TCF7L2: variants seen among roughly 807,000 people sequenced by gnomAD.
TCF7L2 encodes transcription factor 7-like 2.
In TCF7L2, 23 loss-of-function variants were observed where a neutral mutation model predicts 77.9. The observed-to-expected ratio is 0.30, with a 90% confidence interval of 0.21 to 0.42. TCF7L2 has a LOEUF of 0.42. TCF7L2 is among the 10% of genes least tolerant of loss of function. TCF7L2 has a pLI of 1.00. For missense variants in TCF7L2, 654 were observed against 793.1 expected, an observed-to-expected ratio of 0.82 and a Z score of 2.11; for synonymous variants, 413 against 340.2, an observed-to-expected ratio of 1.21 and a Z score of -2.36.
At chr10:112,994,972 C>T (rs532437700) in intron 4 of TCF7L2, among the ~76,000 whole-genome samples, 6 of 152,028 alleles carry the variant, frequency 3.9e-5, no homozygotes, top group African/African-American at 9.6e-5. Context: ...TGGTGGTGGG[C>T]GCCTGTAATC....
At position 113,039,755 on chromosome 10, in the gene TCF7L2, A is replaced by AT. The variant is rs1014955606; in HGVS notation, c.451-264dup. On this transcript the variant is annotated intron_variant, in intron 4 of 13. Transcript: ENST00000627217. ...AAGTTAAGGTAGTAGTAATGAAATC[A>AT]TTTTTTCTGAAGCTACCCTGTACTT... Among the ~76,000 whole-genome samples the AT allele has an allele frequency of 2.0e-4, 30 of 151,868 alleles. No individual in the cohort carries two copies. In the South Asian group the frequency reaches 5.8e-3, roughly 30 times the overall value.
At chr10:113,065,786 G>A (rs1424677174) in intron 5 of TCF7L2, among the ~76,000 whole-genome samples, 1 of 152,146 alleles carries the variant, frequency 6.6e-6, no homozygotes, top group East Asian at 1.9e-4. Context: ...GTTGTAGTTA[G>A]GAAAAAGATG....
intron 11 of TCF7L2, 25 bp downstream of exon 11, chr10:113,152,465 T>A: frequency 6.3e-7 from 1 of 1,581,716 alleles, no homozygotes; most frequent in Non-Finnish European, 8.7e-7. Context: ...TTCGTTAGGA[T>A]TGGAGTCTGT....
At chr10:112,961,670 A>T (rs565327960) in intron 3 of TCF7L2, among the ~76,000 whole-genome samples, 2 of 152,346 alleles carry the variant, frequency 1.3e-5, no homozygotes, top group Non-Finnish European at 2.9e-5. Context: ...TTGTTGCAGT[A>T]GCTGGAGGAA....
intron 8 of TCF7L2, 60 bp downstream of exon 8, chr10:113,146,157 C>T (rs1192134477): frequency 6.5e-7 from 1 of 1,527,516 alleles, no homozygotes; most frequent in East Asian, 2.2e-5. Context: ...AAGAAGTTCT[C>T]TAGATGGCCA....
intron 4 of TCF7L2, among the ~76,000 whole-genome samples, chr10:113,039,274 C>T (rs1258635300): frequency 2.6e-5 from 4 of 152,188 alleles, no homozygotes; most frequent in Non-Finnish European, 5.9e-5. Context: ...ACAGAAGTAG[C>T]TCCCTTGGGC....
intron 5 of TCF7L2, among the ~76,000 whole-genome samples, chr10:113,121,828 CCTTTAAAA>C (rs1311867290): frequency 6.6e-6 from 1 of 152,082 alleles, no homozygotes; most frequent in Non-Finnish European, 1.5e-5. Context: ...AAATCACAGC[CCTTTAAAA>C]CTTCCATTAT....
intron 4 of TCF7L2, among the ~76,000 whole-genome samples, chr10:112,982,545 C>T (rs1044846569): frequency 1.2e-4 from 18 of 152,126 alleles, no homozygotes; most frequent in Admixed American, 1.1e-3. Flanking sequence ...TTTTTTTCCC[C>T]GCTTGCTTAG....
At chr10:113,079,378 G>A (rs973741297) in intron 5 of TCF7L2, among the ~76,000 whole-genome samples, 1 of 152,190 alleles carries the variant, frequency 6.6e-6, no homozygotes, top group Non-Finnish European at 1.5e-5. Context: ...AGGAGATCCA[G>A]CCCGGGCCAG....
At chr10:113,131,728 G>A (rs902910338) in intron 5 of TCF7L2, among the ~76,000 whole-genome samples, 3 of 152,156 alleles carry the variant, frequency 2.0e-5, no homozygotes, top group African/African-American at 7.2e-5. Context: ...GTATTCTTAG[G>A]GAAACCTCCC....
In TCF7L2 at chr10:113,158,037, G is replaced by A. The variant is rs2137363346; in HGVS notation, c.1286G>A (p.Arg429Lys). ...TTCATCTAGGGAAAGAAGAAGAAGA[G>A]GAAAAGGGACAAGCAGCCGGGAGAG... The change falls in exon 12 of 14, where the codon AGG (arginine) becomes AAG (lysine). Residue 429 changes from arginine to lysine, a missense_variant. By Grantham distance (26) the Arg-to-Lys change is conservative (BLOSUM62 2). Around this residue, in one of 6 missense-constraint regions of TCF7L2, gnomAD observed 31 missense variants for 116.1 expected, o/e 0.27. Coordinates refer to ENST00000627217, the MANE Select transcript of TCF7L2 (RefSeq NM_001146274.2). 1 of 1,596,944 alleles carries A rather than the reference G, an allele frequency of 6.3e-7. No individual in the cohort carries two copies. Among genetic ancestry groups the A allele is most frequent in the Non-Finnish European group, 8.5e-7 (1 of 1,170,884 alleles).
intron 5 of TCF7L2, among the ~76,000 whole-genome samples, chr10:113,132,408 G>A (rs1206951237): frequency 6.6e-6 from 1 of 152,112 alleles, no homozygotes; most frequent in Non-Finnish European, 1.5e-5. Context: ...GTCAGATTTT[G>A]TTCACTACTT....
At chr10:113,056,715 A>G (rs2055438188) in intron 5 of TCF7L2, among the ~76,000 whole-genome samples, 1 of 152,222 alleles carries the variant, frequency 6.6e-6, no homozygotes, top group African/African-American at 2.4e-5. Flanking sequence ...AATCCATAGC[A>G]TAATTAATAA....
rs989569614 is a variant in TCF7L2 at position 113,144,131 on chromosome 10, T to C, written c.788+106T>C. 30 of 902,506 alleles carry C rather than the reference T, an allele frequency of 3.3e-5. No individual in the cohort carries two copies. The African/African-American group carries it at 4.8e-4, about 14-fold the overall frequency. The allele number at this position is 902,506 out of a possible 1,614,324, so 55.9% of individuals were successfully genotyped here. A position where few individuals can be genotyped will look rare whatever the true frequency, so the allele number is the denominator to read the frequency against. On this transcript the variant is annotated intron_variant, in intron 7 of 13. Transcript: ENST00000627217. ...GTGTGTGTGTGTGTGTGTGTGTGTG[T>C]GTGTGTATGTGTGTGTGTTAGAAGC...
intron 4 of TCF7L2, among the ~76,000 whole-genome samples, chr10:112,988,948 G>A (rs548326841): frequency 1.3e-5 from 2 of 152,226 alleles, no homozygotes; most frequent in African/African-American, 2.4e-5. Flanking sequence ...AGAAGGTAGG[G>A]GACTTGCCCA....
intron 5 of TCF7L2, among the ~76,000 whole-genome samples, chr10:113,111,226 C>T (rs1481295985): frequency 1.3e-5 from 2 of 152,128 alleles, no homozygotes; most frequent in Non-Finnish European, 2.9e-5. Context: ...CATCAAGGTA[C>T]TCTGGGGTGT....
intron 4 of TCF7L2, among the ~76,000 whole-genome samples, chr10:113,003,115 C>G (rs756001289): frequency 2.6e-5 from 4 of 152,316 alleles, no homozygotes; most frequent in Non-Finnish European, 5.9e-5. Flanking sequence ...CATTTGTGAA[C>G]AATGTCTCCA....
intron 4 of TCF7L2, among the ~76,000 whole-genome samples, chr10:112,995,782 G>C (rs1009050206): frequency 2.6e-5 from 4 of 152,026 alleles, no homozygotes; most frequent in African/African-American, 9.7e-5. Flanking sequence ...CTTCAGAGTC[G>C]TGATCATGCC....
intron 4 of TCF7L2, among the ~76,000 whole-genome samples, chr10:113,029,263 C>CT (rs1178307672): frequency 2.6e-5 from 4 of 152,170 alleles, no homozygotes; most frequent in Non-Finnish European, 4.4e-5. Flanking sequence ...AAACAGTCCT[C>CT]TTTCCCATGT....
Sources: gnomAD v4.1 joint callset for allele counts (sites outside exome capture counted in the v4.1 genomes callset) on GRCh38, gnomAD v4.1.1 for gene constraint, gnomAD v4.1.1 regional missense constraint, MANE v1.5 for transcripts, NCBI Gene and HGNC (gene_info 2026-07-23, HGNC 2026-07-21) for gene names.